Variants in NTM observed in about 807,000 individuals in gnomAD.
NTM encodes IgLON family member 2.
A neutral mutation model predicts 42.1 loss-of-function variants in NTM; 13 were observed. The ratio of observed to expected loss-of-function variants is 0.31; its 90% CI spans 0.20 to 0.49. The LOEUF (loss-of-function observed/expected upper bound fraction) is 0.49, where lower values mean the gene tolerates loss of function less well. NTM is among the 20% of genes least tolerant of loss of function. The pLI, the probability that NTM is intolerant of heterozygous loss-of-function variation, is 0.99. For missense variants in NTM, 373 were observed against 452.8 expected (o/e 0.82, Z 1.60); for synonymous variants, 187 against 179.2 (o/e 1.04, Z -0.35).
At chr11:131,554,873 T>G (rs538251711) in intron 1 of NTM, among the ~76,000 whole-genome samples, 3 of 152,270 alleles carry the variant, frequency 2.0e-5, no homozygotes, top group Admixed American at 1.3e-4. Flanking sequence ...GAGTGGGGGA[T>G]GGAGGCTATT....
At chr11:131,390,948 A>G (rs1943920227) in intron 1 of NTM, among the ~76,000 whole-genome samples, 3 of 152,074 alleles carry the variant, frequency 2.0e-5, no homozygotes, top group Non-Finnish European at 4.4e-5. Flanking sequence ...CAGGGTTCGT[A>G]TGTGGGCTTG....
chr11:131,769,471 G>A, intron 1 of NTM: 1 of 259,240 alleles, frequency 3.9e-6, no homozygotes, highest in Non-Finnish European at 6.0e-6. Flanking sequence ...GAACAAAGAA[G>A]GAAAATAAGT....
intron 1 of NTM, among the ~76,000 whole-genome samples, chr11:131,730,861 T>A (rs1370651058): frequency 6.6e-6 from 1 of 152,100 alleles, no homozygotes; most frequent in Non-Finnish European, 1.5e-5. Context: ...GGGTCAGTAG[T>A]TTCTCTCTGA....
chr11:131,833,598 T>C (rs1280936018), intron 1 of NTM, among the ~76,000 whole-genome samples: 1 of 152,218 alleles, frequency 6.6e-6, no homozygotes, highest in African/African-American at 2.4e-5. Flanking sequence ...CAAGGCTGAA[T>C]GACACAATCA....
intron 2 of NTM, among the ~76,000 whole-genome samples, chr11:132,005,020 A>G (rs150663203): frequency 1.3e-5 from 2 of 152,312 alleles, no homozygotes; most frequent in East Asian, 3.9e-4. Flanking sequence ...ATTCTTCTGC[A>G]AGTGATGTGA....
At chr11:131,549,285 A>C (rs190976159) in intron 1 of NTM, among the ~76,000 whole-genome samples, 4 of 152,320 alleles carry the variant, frequency 2.6e-5, no homozygotes, top group Non-Finnish European at 4.4e-5. Context: ...TACCTGTGAG[A>C]ACTTGACTCA....
At chr11:132,029,746 CT>C (rs1369749198) in intron 2 of NTM, among the ~76,000 whole-genome samples, 1 of 151,994 alleles carries the variant, frequency 6.6e-6, no homozygotes, top group Non-Finnish European at 1.5e-5. Context: ...TATTAATGGA[CT>C]TTTTTGAAGG....
chr11:131,488,469 C>G (rs1315933829), intron 1 of NTM, among the ~76,000 whole-genome samples: 1 of 152,142 alleles, frequency 6.6e-6, no homozygotes, highest in Non-Finnish European at 1.5e-5. Context: ...GCCGTCAGGC[C>G]TCAAAAGACC....
intron 1 of NTM, among the ~76,000 whole-genome samples, chr11:131,855,320 A>G (rs1349895334): frequency 6.6e-6 from 1 of 152,208 alleles, no homozygotes; most frequent in African/African-American, 2.4e-5. Flanking sequence ...GGGTATGTCC[A>G]TAATGTTTTG....
At chr11:131,663,888 C>T (rs565833913) in intron 1 of NTM, among the ~76,000 whole-genome samples, 47 of 152,264 alleles carry the variant, frequency 3.1e-4, no homozygotes, top group African/African-American at 9.4e-4. Context: ...AGGCTTAAAG[C>T]GATGAGATAA....
At chr11:131,376,385 CT>C (rs1941977731) in intron 1 of NTM, among the ~76,000 whole-genome samples, 1 of 151,756 alleles carries the variant, frequency 6.6e-6, no homozygotes, top group Non-Finnish European at 1.5e-5. Flanking sequence ...TTCTCTTCTC[CT>C]TTTCTACTGC....
chr11:131,959,155 C>T (rs1217336950), intron 2 of NTM, among the ~76,000 whole-genome samples: 2 of 152,160 alleles, frequency 1.3e-5, no homozygotes, highest in African/African-American at 2.4e-5. Context: ...GCACCACAAC[C>T]AAGTAACCCC....
At chr11:131,571,539 A>G (rs2057438112) in intron 1 of NTM, among the ~76,000 whole-genome samples, 1 of 152,218 alleles carries the variant, frequency 6.6e-6, no homozygotes, top group Non-Finnish European at 1.5e-5. Context: ...AAGCTCCATT[A>G]TTAGTTATTG....
In NTM at chr11:131,771,733, A is replaced by G. The variant is rs2086127283; in HGVS notation, c.83-139831A>G. The G allele has an allele frequency of 2.6e-5, 4 of 152,222 alleles. No individual in the cohort carries two copies. In the South Asian group the frequency reaches 8.3e-4, roughly 32 times the overall value. The allele number at this position is 152,222 out of a possible 1,614,324, so 9.4% of individuals were successfully genotyped here. On this transcript the variant is annotated intron_variant, in intron 1 of 8. Coordinates refer to ENST00000683400, the MANE Select transcript of NTM (RefSeq NM_001352005.2). ...GGAACACACTTGGAGCTCTGTGACCAGGAGGGAGTACAGTATAGAGCCTGA... is the reference window on the plus strand; with the variant it reads ...GGAACACACTTGGAGCTCTGTGACCGGGAGGGAGTACAGTATAGAGCCTGA...
chr11:131,727,076 C>T (rs1191253214), intron 1 of NTM, among the ~76,000 whole-genome samples: 1 of 151,330 alleles, frequency 6.6e-6, no homozygotes, highest in Non-Finnish European at 1.5e-5. Context: ...GGAGCAGCTC[C>T]TCTCTGTTGC....
At chr11:131,374,041 G>C (rs1941607726) in intron 1 of NTM, among the ~76,000 whole-genome samples, 1 of 152,212 alleles carries the variant, frequency 6.6e-6, no homozygotes, top group African/African-American at 2.4e-5. Context: ...TGATATTCAG[G>C]GGTGGCAGAC....
At position 132,315,136 on chromosome 11, in the gene NTM, G is replaced by C. The variant is rs1220783573; in HGVS notation, c.934+433G>C. On this transcript the variant is annotated intron_variant, in intron 7 of 8. Coordinates refer to ENST00000683400, the MANE Select transcript of NTM (RefSeq NM_001352005.2). Reference sequence around the variant, plus strand: ...AGCTGACTGTGGGAATCATAATTGGGTAAAATAGTCAAGAACTCAGAGGGG... The same window carrying C: ...AGCTGACTGTGGGAATCATAATTGGCTAAAATAGTCAAGAACTCAGAGGGG... The C allele has an allele frequency of 1.4e-5, 13 of 928,700 alleles. No individual in the cohort carries two copies. In the East Asian group the frequency reaches 1.0e-3, roughly 73 times the overall value. 57.5% of individuals were successfully genotyped at this position (928,700 alleles called of 1,614,324 possible). A position where few individuals can be genotyped will look rare whatever the true frequency, so the allele number is the denominator to read the frequency against.
intron 1 of NTM, chr11:131,538,973 C>T (rs1381794781): frequency 5.1e-5 from 6 of 118,198 alleles, no homozygotes; most frequent in Non-Finnish European, 8.4e-5. Context: ...TGCTCTGTTT[C>T]CCAGGCTGGA....
chr11:132,167,624 G>T (rs560803433), intron 3 of NTM, among the ~76,000 whole-genome samples: 1 of 152,306 alleles, frequency 6.6e-6, no homozygotes, highest in African/African-American at 2.4e-5. Flanking sequence ...GGCTTCAGTT[G>T]TCTGTACTTT....
Sources: gnomAD v4.1 joint callset for allele counts (sites outside exome capture counted in the v4.1 genomes callset) on GRCh38, gnomAD v4.1.1 for gene constraint, MANE v1.5 for transcripts, NCBI Gene and HGNC (gene_info 2026-07-23, HGNC 2026-07-21) for gene names.